The following GSE1 variants were observed in gnomAD, a reference collection of about 807,000 sequenced individuals.
The protein encoded by GSE1 is genetic suppressor element 1.
Under a neutral mutation model 112.6 loss-of-function variants are expected in GSE1, and 32 were observed. The observed-to-expected ratio is 0.28, with a 90% CI of 0.21 to 0.38. The LOEUF is 0.38. GSE1 is among the 10% of genes least tolerant of loss of function. GSE1 has a pLI of 1.00. For synonymous variants in GSE1, 1,115 were observed against 735.6 expected, an observed-to-expected ratio of 1.52 and a Z score of -8.35; for missense variants, 2,348 against 1,699.2, an observed-to-expected ratio of 1.38 and a Z score of -6.71.
At chr16:85,570,580 G>A (rs1337690116) in intron 1 of GSE1, among the ~76,000 whole-genome samples, 1 of 152,240 alleles carries the variant, frequency 6.6e-6, no homozygotes, top group East Asian at 1.9e-4. Flanking sequence ...TCACCTCCCA[G>A]GTTCTAGGGC....
At chr16:85,615,577 C>T (rs980163570) in intron 1 of GSE1, among the ~76,000 whole-genome samples, 2 of 152,236 alleles carry the variant, frequency 1.3e-5, no homozygotes, top group East Asian at 3.9e-4. Flanking sequence ...CAGGAGCCTC[C>T]GGTGACCTAG....
intron 2 of GSE1, among the ~76,000 whole-genome samples, chr16:85,416,296 A>G (rs907712104): frequency 6.6e-6 from 1 of 152,130 alleles, no homozygotes; most frequent in African/African-American, 2.4e-5. Flanking sequence ...TGGAGGAGGG[A>G]GGGGCCCGGG....
In GSE1 at chr16:85,672,695, T is replaced by A. The variant is rs549056642; in HGVS notation, c.*156T>A. 2 of 485,634 alleles carry A rather than the reference T, an allele frequency of 4.1e-6. No individual in the cohort carries two copies. Among genetic ancestry groups the A allele is most frequent in the Non-Finnish European group, 7.0e-6 (2 of 283,796 alleles). 30.1% of individuals were successfully genotyped at this position (485,634 alleles called of 1,614,324 possible). A position where few individuals can be genotyped will look rare whatever the true frequency, so the allele number is the denominator to read the frequency against. ...GATTCCAGGCTCCAGAAAAAATGAA[T>A]GAACTCACCTTGACGTCAATGCAAT... On this transcript the variant is annotated 3_prime_UTR_variant, in exon 16 of 16. Transcript: ENST00000253458.
At chr16:85,463,208 G>T (rs1210931189) in intron 2 of GSE1, 52 of 634,222 alleles carry the variant, frequency 8.2e-5, no homozygotes, top group Non-Finnish European at 9.4e-5. Flanking sequence ...CCCACCCGGG[G>T]CTGGAACCTG....
At chr16:85,634,588 G>A (rs1251934273) in intron 2 of GSE1, among the ~76,000 whole-genome samples, 2 of 152,238 alleles carry the variant, frequency 1.3e-5, no homozygotes, top group East Asian at 1.9e-4. Context: ...GGTCTGGAGC[G>A]GGGGTCTCTG....
At chr16:85,253,898 T>C (rs575690455) in intron 1 of GSE1, among the ~76,000 whole-genome samples, 7 of 151,114 alleles carry the variant, frequency 4.6e-5, no homozygotes, top group Admixed American at 1.3e-4. Context: ...GGGAACTGTG[T>C]GTGCAAAGGG....
intron 2 of GSE1, among the ~76,000 whole-genome samples, chr16:85,525,668 A>G (rs12934585): frequency 0.42 from 63,764 of 152,096 alleles, 13,751 homozygotes; most frequent in South Asian, 0.52. Context: ...TTTGTCCCTC[A>G]GGGGGCAGTG....
intron 1 of GSE1, among the ~76,000 whole-genome samples, chr16:85,201,769 G>A (rs1043958741): frequency 7.9e-5 from 12 of 152,192 alleles, no homozygotes; most frequent in South Asian, 2.1e-4. Flanking sequence ...TTTTCTCTAC[G>A]TGTTGGAGAT....
At chr16:85,313,299 G>A (rs984071388) in intron 1 of GSE1, among the ~76,000 whole-genome samples, 7 of 152,182 alleles carry the variant, frequency 4.6e-5, no homozygotes, top group Non-Finnish European at 8.8e-5. Context: ...CCCTTGTCCT[G>A]CGTGTCTTCC....
At chr16:85,180,972 G>A (rs917124605) in intron 1 of GSE1, among the ~76,000 whole-genome samples, 2 of 152,214 alleles carry the variant, frequency 1.3e-5, no homozygotes, top group African/African-American at 4.8e-5. Flanking sequence ...TATACTGTGG[G>A]AACCATTTCA....
At chr16:85,295,490 C>T (rs1031824710) in intron 1 of GSE1, among the ~76,000 whole-genome samples, 19 of 152,370 alleles carry the variant, frequency 1.2e-4, no homozygotes, top group Middle Eastern at 3.4e-3. Flanking sequence ...GGGCTGTCTC[C>T]ACCTTTCGGC....
chr16:85,289,525 G>T (rs901697941), intron 1 of GSE1, among the ~76,000 whole-genome samples: 3 of 152,218 alleles, frequency 2.0e-5, no homozygotes, highest in African/African-American at 7.2e-5. Context: ...CTGCAGGTCT[G>T]GGATGAGGCC....
intron 1 of GSE1, among the ~76,000 whole-genome samples, chr16:85,605,393 G>C (rs1598351745): frequency 2.0e-5 from 3 of 152,028 alleles, no homozygotes; most frequent in South Asian, 2.1e-4. Flanking sequence ...GTCTGGCGCC[G>C]AGAAGTGCTT....
chr16:85,226,128 C>G lies in GSE1; in HGVS notation c.2283+54321C>G, dbSNP rs906482507. Among the ~76,000 whole-genome samples the G allele has an allele frequency of 6.6e-5, 10 of 152,202 alleles. 1 individual carries two copies. The highest frequency in any genetic ancestry group is 6.5e-4 in the Admixed American group (10 of 15,292). The stretch of plus-strand genomic sequence containing the variant: ...CCACACCCTGCCACTCCACCATACT[C>G]ACTTCCTTAGACACGTGTCACTGAG... On this transcript the variant is annotated intron_variant, in intron 1 of 2. Coordinates refer to the GSE1 transcript ENST00000637419.
intron 2 of GSE1, among the ~76,000 whole-genome samples, chr16:85,413,059 G>T (rs1056173118): frequency 6.6e-6 from 1 of 152,208 alleles, no homozygotes; most frequent in African/African-American, 2.4e-5. Context: ...TGCTGGAGGG[G>T]CCGCCCCACG....
chr16:85,501,004 T>TTG (rs1555522875), intron 2 of GSE1, among the ~76,000 whole-genome samples: 1 of 129,038 alleles, frequency 7.7e-6, no homozygotes, highest in African/African-American at 3.3e-5. Flanking sequence ...TTCTGTTTTT[T>TTG]TTTTTTTTTT....
intron 2 of GSE1, among the ~76,000 whole-genome samples, chr16:85,527,194 A>C (rs1268441831): frequency 1.3e-5 from 2 of 152,144 alleles, no homozygotes; most frequent in Non-Finnish European, 2.9e-5. Context: ...CTCGTGAGGA[A>C]CCGCTGCCTG....
chr16:85,337,127 C>T (rs1201955663), intron 1 of GSE1, among the ~76,000 whole-genome samples: 2 of 152,284 alleles, frequency 1.3e-5, no homozygotes, highest in South Asian at 4.1e-4. Context: ...CCTGCTGTTG[C>T]TGTCTCTTCT....
intron 2 of GSE1, among the ~76,000 whole-genome samples, chr16:85,496,343 G>A (rs2051177206): frequency 6.7e-6 from 1 of 148,660 alleles, no homozygotes; most frequent in Non-Finnish European, 1.5e-5. Context: ...GATGGCGTTT[G>A]CATGGCTGAC....
Sources: gnomAD v4.1 joint callset for allele counts (sites outside exome capture counted in the v4.1 genomes callset) on GRCh38, gnomAD v4.1.1 for gene constraint, MANE v1.5 for transcripts, NCBI Gene and HGNC (gene_info 2026-07-23, HGNC 2026-07-21) for gene names.